GLG1: variants seen among roughly 807,000 people sequenced by gnomAD.
The protein encoded by GLG1 is golgi glycoprotein 1.
In GLG1, 38 loss-of-function variants were observed where a neutral mutation model predicts 160.5. The ratio of observed to expected loss-of-function variants is 0.24; its 90% confidence interval spans 0.18 to 0.31. The LOEUF (loss-of-function observed/expected upper bound fraction) is 0.31. Among genes scored for constraint, GLG1 ranks in the 10% least tolerant of loss-of-function variants. The pLI, the probability that GLG1 is intolerant of heterozygous loss-of-function variation, is 1.00. For synonymous variants in GLG1, 644 were observed against 543.4 expected (o/e 1.19, Z -2.57); for missense variants, 1,373 against 1,505.2 (o/e 0.91, Z 1.45).
chr16:74,462,046 C>T (rs757380712), intron 22 of GLG1, 48 bp downstream of exon 22: 13 of 962,138 alleles, frequency 1.4e-5, no homozygotes, highest in Non-Finnish European at 3.3e-6. Flanking sequence ...CCAGTGGAAA[C>T]TTCTCTGAGC....
chr16:74,462,068 T>C (rs770339136), intron 22 of GLG1, 26 bp downstream of exon 22: 1 of 1,225,486 alleles, frequency 8.2e-7, no homozygotes, highest in South Asian at 1.2e-5. Context: ...GCTCTGTGCG[T>C]AACCAGTTTT....
rs2014878936 is a variant in GLG1 at position 74,463,419 on chromosome 16, T to C, written c.2728A>G (p.Ser910Gly). The C allele has an allele frequency of 1.2e-6, 2 of 1,613,756 alleles. No homozygotes were observed. The highest frequency in any genetic ancestry group is 1.1e-5 in the South Asian group (1 of 91,078). The change falls in exon 20 of 26, where the codon AGT becomes GGT. Residue 910 changes from serine to glycine, a missense_variant. Coordinates refer to ENST00000422840, the MANE Select transcript of GLG1 (RefSeq NM_001145667.2). ...TTGCATTTGGGATCCATCAATTCAC[T>C]GTTTTTATTTTGCTTCAAGCACTGC... ...MLQCLKQNKNSELMDPKCKQM... is the reference protein window; with the variant it reads ...MLQCLKQNKNGELMDPKCKQM...
Position 74,452,878 on chromosome 16 carries a change from C to G in GLG1, c.*289G>C, listed in dbSNP as rs1184140483. Reference sequence around the variant, plus strand: ...TCAGGTGAGTTGGTTCTGGAAGTACCGGAAGTTCTGTTGGTATGAGAGAGA... The same window carrying G: ...TCAGGTGAGTTGGTTCTGGAAGTACGGGAAGTTCTGTTGGTATGAGAGAGA... On this transcript the variant is annotated 3_prime_UTR_variant, in exon 26 of 26. Transcript: ENST00000422840. 1 of 1,108,146 alleles carries G rather than the reference C, an allele frequency of 9.0e-7. No homozygotes were observed. The highest frequency in any genetic ancestry group is 1.6e-5 in the African/African-American group (1 of 61,448). The allele number at this position is 1,108,146 out of a possible 1,614,324, so 68.6% of individuals were successfully genotyped here. A position where few individuals can be genotyped will look rare whatever the true frequency, so the allele number is the denominator to read the frequency against.
At chr16:74,520,766 G>C (rs980526091) in intron 2 of GLG1, among the ~76,000 whole-genome samples, 2 of 152,168 alleles carry the variant, frequency 1.3e-5, no homozygotes, top group Non-Finnish European at 2.9e-5. Flanking sequence ...CTGTCTTCTA[G>C]CTTCTAGGAA....
intron 1 of GLG1, among the ~76,000 whole-genome samples, chr16:74,575,638 G>A (rs530397148): frequency 6.6e-5 from 10 of 151,974 alleles, no homozygotes; most frequent in South Asian, 2.1e-4. Flanking sequence ...TCCCTCTGTC[G>A]CCCAGGCTGG....
At chr16:74,521,427 A>C (rs147454832) in intron 2 of GLG1, among the ~76,000 whole-genome samples, 2 of 152,288 alleles carry the variant, frequency 1.3e-5, no homozygotes, top group African/African-American at 4.8e-5. Flanking sequence ...GATGACTTGT[A>C]TCAGGGCAAT....
In GLG1 at chr16:74,492,984, T is replaced by C. The variant is rs1390370482; in HGVS notation, c.1207A>G (p.Met403Val). 6.2e-7 allele frequency: 1 copy of C among 1,612,960 alleles called. No individual in the cohort carries two copies. The highest frequency in any genetic ancestry group is 2.2e-5 in the East Asian group (1 of 44,868). ...CTGTGTACAGCTGACTCCAGGCACA[T>C]TAACAAGTAGGAGAGCCTGGCTTCA... ...SREARLSYLL[M>V]CLESAVHRGR... is the part of the protein sequence containing the mutation. Residue 403 changes from methionine to valine, a missense_variant, in exon 7 of 26, where the codon ATG (methionine) becomes GTG (valine). Coordinates refer to ENST00000422840, the MANE Select transcript of GLG1 (RefSeq NM_001145667.2).
intron 3 of GLG1, among the ~76,000 whole-genome samples, chr16:74,505,304 G>A (rs1476450705): frequency 6.6e-6 from 1 of 152,200 alleles, no homozygotes; most frequent in East Asian, 1.9e-4. Flanking sequence ...TTCTAAAGGG[G>A]CAAACTTGGG....
chr16:74,453,339 A>G lies in GLG1; in HGVS notation c.3373-5T>C, dbSNP rs781000750. 3.7e-5 allele frequency: 60 copies of G among 1,604,278 alleles called. No homozygotes were observed. In the Admixed American group the frequency reaches 9.0e-4, roughly 24 times the overall value. ...GAAGCCATCTGCTGGGGCCACCTAGAATGACACAAGGCAATGTGATTCTCT... is the reference window on the plus strand; with the variant it reads ...GAAGCCATCTGCTGGGGCCACCTAGGATGACACAAGGCAATGTGATTCTCT... On this transcript the variant is annotated splice_region_variant and splice_polypyrimidine_tract_variant and intron_variant, in intron 25 of 25. Transcript: ENST00000422840.
intron 2 of GLG1, among the ~76,000 whole-genome samples, chr16:74,523,041 A>C (rs1460382794): frequency 6.6e-6 from 1 of 152,176 alleles, no homozygotes; most frequent in Non-Finnish European, 1.5e-5. Flanking sequence ...TTTTTGCTTT[A>C]TACTTAGTGC....
At chr16:74,570,397 T>G (rs2018791563) in intron 1 of GLG1, among the ~76,000 whole-genome samples, 1 of 152,070 alleles carries the variant, frequency 6.6e-6, no homozygotes, top group Non-Finnish European at 1.5e-5. Flanking sequence ...TCAGAAAATC[T>G]TAAAAGAAGC....
At chr16:74,470,313 C>T (rs1263200168) in intron 15 of GLG1, among the ~76,000 whole-genome samples, 2 of 147,178 alleles carry the variant, frequency 1.4e-5, no homozygotes, top group African/African-American at 5.1e-5. Context: ...TCCCTCCCTC[C>T]CTCCTTCCTT....
At chr16:74,540,153 T>TAC (rs67557954) in intron 1 of GLG1, among the ~76,000 whole-genome samples, 279 of 1,640 alleles carry the variant, frequency 0.17, 133 homozygotes, top group Non-Finnish European at 0.39. Context: ...ATTATATATA[T>TAC]ATAGCAATTT....
At chr16:74,559,149 G>A (rs1470013501) in intron 1 of GLG1, among the ~76,000 whole-genome samples, 1 of 152,172 alleles carries the variant, frequency 6.6e-6, no homozygotes, top group South Asian at 2.1e-4. Flanking sequence ...GGGATTACAG[G>A]CCTGAACCAC....
At chr16:74,502,724 T>C (rs1415351941) in intron 4 of GLG1, among the ~76,000 whole-genome samples, 1 of 988 alleles carries the variant, frequency 1.0e-3, no homozygotes, top group Non-Finnish European at 5.8e-3. Context: ...TGTTTTTGGT[T>C]TTTTTTTTTT....
At chr16:74,504,727 GC>G (rs2143464459) in intron 3 of GLG1, among the ~76,000 whole-genome samples, 1 of 152,282 alleles carries the variant, frequency 6.6e-6, no homozygotes, top group East Asian at 1.9e-4. Flanking sequence ...AATGTTCAGT[GC>G]AGTTTAGCAA....
intron 23 of GLG1, among the ~76,000 whole-genome samples, chr16:74,459,347 G>A (rs1054612312): frequency 1.3e-5 from 2 of 152,078 alleles, no homozygotes; most frequent in African/African-American, 4.8e-5. Flanking sequence ...GCGTGGTGGC[G>A]GGCGCCTATA....
At chr16:74,486,908 A>G (rs983376885) in intron 8 of GLG1, among the ~76,000 whole-genome samples, 1 of 149,456 alleles carries the variant, frequency 6.7e-6, no homozygotes, top group Non-Finnish European at 1.5e-5. Flanking sequence ...GTTTTGGGGT[A>G]GAAATCTTTT....
At chr16:74,464,404 T>A (rs2014923387) in intron 19 of GLG1, among the ~76,000 whole-genome samples, 1 of 152,152 alleles carries the variant, frequency 6.6e-6, no homozygotes, top group South Asian at 2.1e-4. Context: ...AAGGGTAGGG[T>A]CCTGTACACT....
Sources: allele counts gnomAD v4.1 joint callset (sites outside exome capture counted in the v4.1 genomes callset), GRCh38; gene constraint gnomAD v4.1.1; transcripts MANE v1.5; gene names NCBI Gene and HGNC (gene_info 2026-07-23, HGNC 2026-07-21).